Variants in RANBP2 observed in about 807,000 individuals in gnomAD.
RANBP2 encodes E3 SUMO-protein ligase RanBP2.
A neutral mutation model predicts 303.6 loss-of-function variants in RANBP2; 57 were observed. The observed-to-expected ratio is 0.19, with a 90% confidence interval of 0.15 to 0.23. The LOEUF (loss-of-function observed/expected upper bound fraction) is 0.23. Among genes scored for constraint, RANBP2 ranks in the 10% least tolerant of loss-of-function variants. The probability of loss-of-function intolerance (pLI) is 1.00; values close to 1 mark genes in which losing one functional copy is unlikely to be tolerated. For synonymous variants in RANBP2, 1,167 were observed against 1,301.5 expected (o/e 0.90, Z 2.23); for missense variants, 3,138 against 3,780.8 (o/e 0.83, Z 4.46).
chr2:109,257,770 A>G, the RANBP2 span, among the ~76,000 whole-genome samples: 3 of 152,160 alleles, frequency 2.0e-5, no homozygotes, highest in African/African-American at 7.2e-5. Flanking sequence ...TGCAGAAACA[A>G]GGGCTGAAAA....
the RANBP2 span, among the ~76,000 whole-genome samples, chr2:108,881,700 G>A: frequency 6.6e-6 from 1 of 152,174 alleles, no homozygotes; most frequent in Non-Finnish European, 1.5e-5. Flanking sequence ...GTATTGTTAT[G>A]TCTCAGGAAA....
the RANBP2 span, among the ~76,000 whole-genome samples, chr2:109,075,013 G>A: frequency 7.4e-4 from 77 of 103,984 alleles, 3 homozygotes; most frequent in South Asian, 8.7e-3. Context: ...GTGACAGAGC[G>A]AGTCTCCATC....
At chr2:108,733,490 G>C (rs1322092562) in intron 4 of RANBP2, among the ~76,000 whole-genome samples, 3 of 152,110 alleles carry the variant, frequency 2.0e-5, no homozygotes, top group Admixed American at 2.0e-4. Flanking sequence ...CTATTGTTCA[G>C]CTGCTATGAA....
chr2:109,173,641 G>A, the RANBP2 span, among the ~76,000 whole-genome samples: 68 of 152,134 alleles, frequency 4.5e-4, no homozygotes, highest in African/African-American at 1.6e-3. Context: ...GACCCCTGCT[G>A]AGACTCATTA....
the RANBP2 span, among the ~76,000 whole-genome samples, chr2:109,394,487 C>T: frequency 3.3e-5 from 5 of 152,190 alleles, no homozygotes; most frequent in Admixed American, 6.5e-5. Context: ...GGGAAGGGCA[C>T]ACACCTGCAC....
the RANBP2 span, among the ~76,000 whole-genome samples, chr2:109,063,766 G>A: frequency 2.6e-5 from 4 of 151,656 alleles, no homozygotes; most frequent in East Asian, 5.8e-4. Flanking sequence ...TTGAGTTAGG[G>A]CAGCCTGGCC....
the RANBP2 span, among the ~76,000 whole-genome samples, chr2:109,488,807 C>T: frequency 6.6e-6 from 1 of 152,234 alleles, no homozygotes; most frequent in Non-Finnish European, 1.5e-5. Context: ...TGCTCACAAC[C>T]TCCAGGGCCT....
chr2:109,510,539 C>G, the RANBP2 span, among the ~76,000 whole-genome samples: 1 of 152,222 alleles, frequency 6.6e-6, no homozygotes. Flanking sequence ...GCAGTGACTA[C>G]CAGACTGAAG....
the RANBP2 span, among the ~76,000 whole-genome samples, chr2:109,383,566 G>A: frequency 6.6e-6 from 1 of 152,162 alleles, no homozygotes; most frequent in Admixed American, 6.5e-5. Context: ...GCTGAGGCAC[G>A]TTTAAGATTC....
Position 108,719,627 on chromosome 2 carries a change from C to T in RANBP2, c.21C>T (p.Asp7=), listed in dbSNP as rs1694044186. 3 of 1,607,754 alleles carry T rather than the reference C, an allele frequency of 1.9e-6. No homozygotes were observed. Among genetic ancestry groups the T allele is most frequent in the Non-Finnish European group, 2.5e-6 (3 of 1,178,328 alleles). ...GCGCGATGAGGCGCAGCAAGGCTGA[C>T]GTGGAGCGGTACATCGCCTCGGTGC... MRRSKA[D]VERYIASVQG... The change falls in exon 1 of 29, where the codon GAC becomes GAT. Residue 7 remains aspartate (D), a synonymous_variant. Coordinates refer to ENST00000283195, the MANE Select transcript of RANBP2 (RefSeq NM_006267.5).
At chr2:109,311,697 T>G in the RANBP2 span, among the ~76,000 whole-genome samples, 1 of 152,228 alleles carries the variant, frequency 6.6e-6, no homozygotes, top group Non-Finnish European at 1.5e-5. Context: ...TTCTGACTGA[T>G]GTACCCTGGT....
the RANBP2 span, among the ~76,000 whole-genome samples, chr2:109,191,949 C>T: frequency 0.49 from 73,980 of 151,912 alleles, 19,099 homozygotes; most frequent in South Asian, 0.61. Context: ...TGGTGCTTCT[C>T]GGATTGACAA....
the RANBP2 span, among the ~76,000 whole-genome samples, chr2:109,073,935 A>G: frequency 3.3e-5 from 5 of 150,872 alleles, no homozygotes; most frequent in Non-Finnish European, 7.4e-5. Context: ...GAAATGACAC[A>G]AAAGAAAAAA....
At chr2:109,046,333 G>A in the RANBP2 span, among the ~76,000 whole-genome samples, 1 of 148,718 alleles carries the variant, frequency 6.7e-6, no homozygotes, top group Non-Finnish European at 1.5e-5. Flanking sequence ...AAATCTGAAA[G>A]GATTTTGGTT....
chr2:109,257,761 G>A, the RANBP2 span, among the ~76,000 whole-genome samples: 282 of 152,292 alleles, frequency 1.9e-3, no homozygotes, highest in African/African-American at 6.4e-3. Context: ...GGCCCCAAGT[G>A]CAGAAACAAG....
the RANBP2 span, among the ~76,000 whole-genome samples, chr2:109,698,890 GC>G: frequency 6.6e-6 from 1 of 152,134 alleles, no homozygotes; most frequent in African/African-American, 2.4e-5. Context: ...CCAAGATTGC[GC>G]CAGCCTGGGC....
chr2:109,187,716 TCTC>T, the RANBP2 span, among the ~76,000 whole-genome samples: 1 of 152,176 alleles, frequency 6.6e-6, no homozygotes, highest in Non-Finnish European at 1.5e-5. Flanking sequence ...CAGAATATAT[TCTC>T]CTTGTTAAGT....
At chr2:109,063,935 C>A in the RANBP2 span, among the ~76,000 whole-genome samples, 1 of 152,078 alleles carries the variant, frequency 6.6e-6, no homozygotes, top group Admixed American at 6.5e-5. Context: ...GGCTTATTCT[C>A]ATGATTGTTG....
At chr2:108,877,128 A>C in the RANBP2 span, among the ~76,000 whole-genome samples, 1 of 152,200 alleles carries the variant, frequency 6.6e-6, no homozygotes, top group African/African-American at 2.4e-5. Context: ...AGAAAGCCAT[A>C]ATGAAAGAAC....
Sources: gnomAD v4.1 joint callset for allele counts (sites outside exome capture counted in the v4.1 genomes callset) on GRCh38, gnomAD v4.1.1 for gene constraint, MANE v1.5 for transcripts, NCBI Gene and HGNC (gene_info 2026-07-23, HGNC 2026-07-21) for gene names.